Variants in ANKRD11 observed in about 807,000 individuals in gnomAD.
The protein encoded by ANKRD11 is ankyrin repeat domain 11, also known as ankyrin repeat domain-containing protein 11.
A neutral mutation model predicts 195.7 loss-of-function variants in ANKRD11; 17 were observed. That is an observed-to-expected ratio of 0.09 (90% CI 0.06 to 0.13). The LOEUF is 0.13. ANKRD11 is among the 10% of genes least tolerant of loss of function. The pLI is 1.00. For synonymous variants in ANKRD11, 1,953 were observed against 1,528.1 expected, an observed-to-expected ratio of 1.28 and a Z score of -6.49; for missense variants, 3,735 against 3,566.1, an observed-to-expected ratio of 1.05 and a Z score of -1.21.
intron 1 of ANKRD11, among the ~76,000 whole-genome samples, chr16:89,445,016 T>C (rs2043719799): frequency 6.6e-6 from 1 of 151,492 alleles, no homozygotes; most frequent in Non-Finnish European, 1.5e-5. Flanking sequence ...ACAGACCCGT[T>C]CAGCACCTGC....
intron 1 of ANKRD11, among the ~76,000 whole-genome samples, chr16:89,436,099 A>G (rs2043205511): frequency 6.6e-6 from 1 of 152,138 alleles, no homozygotes; most frequent in African/African-American, 2.4e-5. Flanking sequence ...GGGAAAGTAG[A>G]CTAAAATTTT....
intron 2 of ANKRD11, among the ~76,000 whole-genome samples, chr16:89,352,705 T>C (rs899839528): frequency 3.9e-5 from 6 of 152,216 alleles, no homozygotes; most frequent in Non-Finnish European, 8.8e-5. Flanking sequence ...CACCAGTTTA[T>C]TGAAGCCTCA....
chr16:89,470,508 A>G (rs2057039818), intron 1 of ANKRD11, among the ~76,000 whole-genome samples: 1 of 127,526 alleles, frequency 7.8e-6, no homozygotes, highest in South Asian at 2.6e-4. Flanking sequence ...AACACCATAG[A>G]CTGAGAAAGG....
In ANKRD11 at chr16:89,274,755, G is replaced by A. The variant is rs893851146; in HGVS notation, c.7713+59C>T. ...AAGTGCAGAATCTATCAAGGGGAGG[G>A]GAGGCGGGCAGGGTGCAGGCACTTG... On this transcript the variant is annotated intron_variant, in intron 11 of 12. Coordinates refer to ENST00000301030, the MANE Select transcript of ANKRD11 (RefSeq NM_013275.6). 12 of 1,599,674 alleles carry A rather than the reference G, an allele frequency of 7.5e-6. No homozygotes were observed. In the African/African-American group the frequency reaches 1.5e-4, roughly 20 times the overall value.
chr16:89,458,514 G>A (rs1323785497), intron 1 of ANKRD11, among the ~76,000 whole-genome samples: 6 of 152,118 alleles, frequency 3.9e-5, no homozygotes, highest in African/African-American at 9.7e-5. Context: ...GTGAGCCACC[G>A]TGCCCGGCCA....
At chr16:89,307,536 G>C (rs776808461) in intron 3 of ANKRD11, among the ~76,000 whole-genome samples, 14 of 152,146 alleles carry the variant, frequency 9.2e-5, no homozygotes, top group Non-Finnish European at 1.8e-4. Flanking sequence ...CGGGTCTCTG[G>C]GGAGACGGGG....
At chr16:89,440,151 A>G (rs2152289685) in intron 1 of ANKRD11, among the ~76,000 whole-genome samples, 1 of 152,358 alleles carries the variant, frequency 6.6e-6, no homozygotes, top group Middle Eastern at 3.4e-3. Flanking sequence ...CTACTTCTCC[A>G]GTCCTCAAGG....
chr16:89,435,093 GT>G (rs1437202206), intron 1 of ANKRD11, among the ~76,000 whole-genome samples: 1 of 152,214 alleles, frequency 6.6e-6, no homozygotes, highest in Non-Finnish European at 1.5e-5. Flanking sequence ...CTAAAGGTCT[GT>G]AAATGCACCA....
chr16:89,403,323 G>A (rs1421023297), intron 2 of ANKRD11, among the ~76,000 whole-genome samples: 1 of 152,076 alleles, frequency 6.6e-6, no homozygotes, highest in Non-Finnish European at 1.5e-5. Context: ...CTCCTGACCG[G>A]CCCCTCCTGA....
In ANKRD11 at chr16:89,328,099, A is replaced by G. The variant is rs577019733; in HGVS notation, c.-59-11021T>C. ...AGGTGCACGTGGTGAACAAGCCATG[A>G]AGGCACTCGACATCCTAAGCCGTTA... is the stretch of plus-strand genomic sequence containing the variant. On this transcript the variant is annotated intron_variant, in intron 2 of 12. Transcript: ENST00000301030. Among the ~76,000 whole-genome samples, 4 of 152,362 alleles carry G rather than the reference A, an allele frequency of 2.6e-5. No individual in the cohort carries two copies. In the East Asian group the frequency reaches 7.7e-4, roughly 29 times the overall value.
Position 89,373,948 on chromosome 16 carries a change from G to A in ANKRD11, c.-60+44336C>T, listed in dbSNP as rs114978240. On this transcript the variant is annotated intron_variant, in intron 2 of 12. Coordinates refer to ENST00000301030, the MANE Select transcript of ANKRD11 (RefSeq NM_013275.6). ...GGGTCATCAGGAGTGACCACCAAGC[G>A]GGCTGGGGCCCTGGCCCACTCGACA... Among the ~76,000 whole-genome samples, 588 of 152,352 alleles carry A rather than the reference G, an allele frequency of 3.9e-3. 3 individuals are homozygous for A. Among genetic ancestry groups the A allele is most frequent in the African/African-American group, 0.014 (564 of 41,592 alleles).
chr16:89,420,931 T>C (rs1264426496), intron 1 of ANKRD11, among the ~76,000 whole-genome samples: 1 of 152,248 alleles, frequency 6.6e-6, no homozygotes, highest in Non-Finnish European at 1.5e-5. Context: ...AAACAAGCTA[T>C]GTTGTCAAAC....
At chr16:89,461,180 ACCC>A (rs33936253) in intron 1 of ANKRD11, among the ~76,000 whole-genome samples, 1,903 of 58,276 alleles carry the variant, frequency 0.033, 439 homozygotes, top group East Asian at 0.13. Context: ...ATATCGTATG[ACCC>A]CCCCCCCCCC....
chr16:89,285,324 G>T lies in ANKRD11; in HGVS notation c.1218C>A (p.Ile406=), dbSNP rs538412983. The change falls in exon 9 of 13, where the codon ATC becomes ATA. Residue 406 remains isoleucine (I), a synonymous_variant. Coordinates refer to ENST00000301030, the MANE Select transcript of ANKRD11 (RefSeq NM_013275.6). The surrounding 1 kb of genome is among the most constrained non-coding windows in gnomAD (Gnocchi z 5.6). ...TIAPKKASHR[I]LSDTSDEEDA... is the part of the protein sequence containing the mutation. Reference sequence around the variant, plus strand: ...CCTCCTCGTCCGACGTGTCTGACAGGATACGATGGGACGCTTTCTTTGGTG... The same window carrying T: ...CCTCCTCGTCCGACGTGTCTGACAGTATACGATGGGACGCTTTCTTTGGTG... 1.9e-6 allele frequency: 3 copies of T among 1,614,000 alleles called. No homozygotes were observed. Among genetic ancestry groups the T allele is most frequent in the Non-Finnish European group, 2.5e-6 (3 of 1,180,044 alleles).
At chr16:89,402,435 A>T (rs948891603) in intron 2 of ANKRD11, among the ~76,000 whole-genome samples, 1 of 152,050 alleles carries the variant, frequency 6.6e-6, no homozygotes, top group Non-Finnish European at 1.5e-5. Flanking sequence ...TACCTAACAC[A>T]TGAGGAAGCC....
intron 9 of ANKRD11, among the ~76,000 whole-genome samples, chr16:89,276,584 C>G (rs931278163): frequency 5.9e-5 from 9 of 152,174 alleles, no homozygotes; most frequent in African/African-American, 2.2e-4. Context: ...CCGACACTGC[C>G]CAGAAGCTCC....
chr16:89,460,974 C>A (rs1174482456), intron 1 of ANKRD11, among the ~76,000 whole-genome samples: 2 of 111,082 alleles, frequency 1.8e-5, no homozygotes, highest in South Asian at 4.3e-4. Context: ...GTATGACCCC[C>A]CCCCCCAACA....
intron 1 of ANKRD11, among the ~76,000 whole-genome samples, chr16:89,439,837 A>G (rs755192684): frequency 1.3e-5 from 2 of 152,218 alleles, no homozygotes; most frequent in Non-Finnish European, 2.9e-5. Context: ...CAACAGAGCC[A>G]GCTGTAAGCT....
chr16:89,365,052 C>A (rs956855235), intron 2 of ANKRD11, among the ~76,000 whole-genome samples: 2 of 152,182 alleles, frequency 1.3e-5, no homozygotes, highest in East Asian at 3.8e-4. Context: ...GGTAACAAGT[C>A]TGGAAGCCAA....
Sources: allele counts gnomAD v4.1 joint callset (sites outside exome capture counted in the v4.1 genomes callset), GRCh38; gene constraint gnomAD v4.1.1; non-coding constraint Gnocchi (gnomAD v3.1); transcripts MANE v1.5; gene names NCBI Gene and HGNC (gene_info 2026-07-23, HGNC 2026-07-21).